Variants in CDK8 observed in about 807,000 individuals in gnomAD.
The protein encoded by CDK8 is cyclin dependent kinase 8, also known as cyclin-dependent kinase 8.
A neutral mutation model predicts 71.5 loss-of-function variants in CDK8; 29 were observed. That is an observed-to-expected ratio of 0.41 (90% CI 0.30 to 0.55). CDK8 has a LOEUF of 0.55. Ranked by LOEUF, CDK8 falls within the 20% of genes least tolerant of loss-of-function variation. The probability of loss-of-function intolerance (pLI) is 0.37; values close to 1 mark genes in which losing one functional copy is unlikely to be tolerated. For missense variants in CDK8, 288 were observed against 572.6 expected, an observed-to-expected ratio of 0.50 and a Z score of 5.07; for synonymous variants, 161 against 192.1, an observed-to-expected ratio of 0.84 and a Z score of 1.34.
intron 2 of CDK8, among the ~76,000 whole-genome samples, chr13:26,339,594 GT>G (rs112212248): frequency 0.08 from 11,161 of 140,124 alleles, 1,135 homozygotes; most frequent in African/African-American, 0.24. Context: ...CAGCTAATTA[GT>G]TTTTTTTTTT....
At chr13:26,380,189 C>CT (rs983969153) in intron 4 of CDK8, among the ~76,000 whole-genome samples, 3 of 151,914 alleles carry the variant, frequency 2.0e-5, no homozygotes, top group Non-Finnish European at 4.4e-5. Context: ...AGTAGGTGTT[C>CT]TTTTTTTATA....
At chr13:26,390,898 G>A (rs1423807604) in intron 6 of CDK8, among the ~76,000 whole-genome samples, 3 of 151,476 alleles carry the variant, frequency 2.0e-5, no homozygotes, top group African/African-American at 7.3e-5. Flanking sequence ...CACATTTTGA[G>A]AAGTAGATGA....
intron 1 of CDK8, among the ~76,000 whole-genome samples, chr13:26,335,399 A>G (rs1468869725): frequency 6.6e-6 from 1 of 152,104 alleles, no homozygotes; most frequent in East Asian, 1.9e-4. Context: ...TTTTCTTGGC[A>G]GTCCTTCTCT....
chr13:26,274,341 A>G (rs1219071264), intron 1 of CDK8, among the ~76,000 whole-genome samples: 2 of 152,020 alleles, frequency 1.3e-5, no homozygotes, highest in Admixed American at 1.3e-4. Context: ...TTTGTTTAAC[A>G]TTTAAATTTT....
At chr13:26,342,178 G>T (rs1873271560) in intron 2 of CDK8, among the ~76,000 whole-genome samples, 2 of 152,228 alleles carry the variant, frequency 1.3e-5, no homozygotes, top group African/African-American at 4.8e-5. Context: ...CTCCCAAAGT[G>T]CTGGGATTAC....
At chr13:26,305,694 T>A (rs1425109710) in intron 1 of CDK8, among the ~76,000 whole-genome samples, 2 of 152,196 alleles carry the variant, frequency 1.3e-5, no homozygotes, top group Admixed American at 1.3e-4. Context: ...CTCTTCCAGT[T>A]GATTAATCAT....
chr13:26,263,197 G>A (rs958522686), intron 1 of CDK8, among the ~76,000 whole-genome samples: 4 of 151,830 alleles, frequency 2.6e-5, no homozygotes, highest in African/African-American at 4.8e-5. Flanking sequence ...GTGCAATGGC[G>A]CGATCTCCGC....
At chr13:26,379,843 G>A (rs115207807) in intron 4 of CDK8, among the ~76,000 whole-genome samples, 255 of 152,264 alleles carry the variant, frequency 1.7e-3, no homozygotes, top group African/African-American at 5.5e-3. Flanking sequence ...TGGTAAAAGG[G>A]ACTTTTAACT....
At chr13:26,325,165 A>G (rs1874962634) in intron 1 of CDK8, among the ~76,000 whole-genome samples, 1 of 152,228 alleles carries the variant, frequency 6.6e-6, no homozygotes, top group Non-Finnish European at 1.5e-5. Flanking sequence ...AGTGCCAAGC[A>G]CAGGAACTTC....
intron 2 of CDK8, among the ~76,000 whole-genome samples, chr13:26,343,188 C>T (rs911138911): frequency 6.6e-6 from 1 of 152,174 alleles, no homozygotes; most frequent in Non-Finnish European, 1.5e-5. Context: ...ATTGTTCTGC[C>T]ATCGCAGAGT....
intron 1 of CDK8, among the ~76,000 whole-genome samples, chr13:26,311,544 T>C: frequency 6.6e-6 from 1 of 152,168 alleles, no homozygotes; most frequent in East Asian, 1.9e-4. Flanking sequence ...TTGATGTCAC[T>C]AAGATTCCAG....
chr13:26,403,564 G>A (rs571989421), intron 12 of CDK8, among the ~76,000 whole-genome samples: 1 of 152,226 alleles, frequency 6.6e-6, no homozygotes, highest in East Asian at 1.9e-4. Context: ...TCATGTGTGT[G>A]GGGGTGAGTT....
Position 26,401,721 on chromosome 13 carries a change from T to G in CDK8, c.1269+97T>G. 8.2e-7 allele frequency: 1 copy of G among 1,221,464 alleles called. No individual in the cohort carries two copies. Among genetic ancestry groups the G allele is most frequent in the Non-Finnish European group, 1.2e-6 (1 of 842,928 alleles). 75.7% of individuals were successfully genotyped at this position (1,221,464 alleles called of 1,614,324 possible). A position where few individuals can be genotyped will look rare whatever the true frequency, so the allele number is the denominator to read the frequency against. ...GATTTAATTGAGAAATACTGACGTC[T>G]GTATACCCAGGGAAATACATTAACA... On this transcript the variant is annotated intron_variant, in intron 12 of 12. Coordinates refer to ENST00000381527, the MANE Select transcript of CDK8 (RefSeq NM_001260.3). This position sits in a 1 kb window ranked among gnomAD's most constrained non-coding sequence, Gnocchi z 4.5.
intron 1 of CDK8, among the ~76,000 whole-genome samples, chr13:26,291,977 A>G (rs938191187): frequency 2.6e-5 from 4 of 152,172 alleles, no homozygotes; most frequent in African/African-American, 9.7e-5. Flanking sequence ...GAGTCTTTGC[A>G]TGTTTAAAAA....
At position 26,300,466 on chromosome 13, in the gene CDK8, A is replaced by G. The variant is rs183395594; in HGVS notation, c.129-37101A>G. Among the ~76,000 whole-genome samples the G allele has an allele frequency of 6.6e-5, 10 of 152,234 alleles. No individual in the cohort carries two copies. In the East Asian group the frequency reaches 7.7e-4, roughly 12 times the overall value. On this transcript the variant is annotated intron_variant, in intron 1 of 12. Transcript: ENST00000381527. ...TTATTTCTAGAAGTTTCCATTTAAT[A>G]TTTTCAGACTGAGGTTGACCATAGG...
At chr13:26,278,152 G>A (rs1250556392) in intron 1 of CDK8, among the ~76,000 whole-genome samples, 2 of 152,170 alleles carry the variant, frequency 1.3e-5, no homozygotes, top group Middle Eastern at 3.2e-3. Flanking sequence ...TTTGAATTGG[G>A]TGACTTGTAT....
intron 4 of CDK8, chr13:26,359,013 TA>T: frequency 3.3e-6 from 1 of 299,786 alleles, no homozygotes; most frequent in Non-Finnish European, 6.6e-6. Context: ...GGCAACAGAG[TA>T]AGACTCTGTC....
chr13:26,395,410 G>C (rs532447654), intron 7 of CDK8, among the ~76,000 whole-genome samples: 53 of 151,732 alleles, frequency 3.5e-4, no homozygotes, highest in Non-Finnish European at 5.4e-4. Flanking sequence ...TTGAACCTGG[G>C]AGGCAGAGGT....
intron 12 of CDK8, among the ~76,000 whole-genome samples, chr13:26,402,279 A>T (rs1176677017): frequency 1.3e-5 from 2 of 152,208 alleles, no homozygotes; most frequent in African/African-American, 4.8e-5. Context: ...TGATCTGACC[A>T]CAAAGGCTGT....
Sources: gnomAD v4.1 joint callset for allele counts (sites outside exome capture counted in the v4.1 genomes callset) on GRCh38, gnomAD v4.1.1 for gene constraint, Gnocchi (gnomAD v3.1) non-coding constraint, MANE v1.5 for transcripts, NCBI Gene and HGNC (gene_info 2026-07-23, HGNC 2026-07-21) for gene names.